Variants in GBE1 observed in about 807,000 individuals in gnomAD.
GBE1 encodes the protein 1,4-alpha-glucan-branching enzyme.
GBE1 carries 70 observed loss-of-function variants against 88.8 expected under a neutral mutation model. The ratio of observed to expected loss-of-function variants is 0.79; its 90% CI spans 0.65 to 0.96. GBE1 has a LOEUF of 0.96. Among genes scored for constraint, GBE1 ranks in the 40% least tolerant of loss-of-function variants. The pLI is 0.00. For missense variants in GBE1, 872 were observed against 871.0 expected, an observed-to-expected ratio of 1.00 and a Z score of -0.01; for synonymous variants, 284 against 300.1, an observed-to-expected ratio of 0.95 and a Z score of 0.56.
intron 1 of GBE1, among the ~76,000 whole-genome samples, chr3:81,715,641 T>C (rs3849572): frequency 0.029 from 4,370 of 152,212 alleles, 224 homozygotes; most frequent in African/African-American, 0.096. Flanking sequence ...CAAGAAAGAA[T>C]AGATTCACAA....
At chr3:81,751,933 G>A (rs1338043477) in intron 1 of GBE1, among the ~76,000 whole-genome samples, 3 of 152,070 alleles carry the variant, frequency 2.0e-5, no homozygotes, top group South Asian at 2.1e-4. Context: ...TGATATCACC[G>A]GTAAAACAAA....
At chr3:81,544,867 T>G (rs975094341) in intron 12 of GBE1, among the ~76,000 whole-genome samples, 14 of 152,330 alleles carry the variant, frequency 9.2e-5, no homozygotes, top group African/African-American at 3.1e-4. Flanking sequence ...CCCAGCTCTG[T>G]TGGCTGAACA....
intron 2 of GBE1, among the ~76,000 whole-genome samples, chr3:81,694,262 G>C (rs998930761): frequency 6.6e-6 from 1 of 152,114 alleles, no homozygotes. Flanking sequence ...GGGAAAAAGG[G>C]AGGAGAGAAG....
chr3:81,696,874 A>G (rs573142287), intron 2 of GBE1, among the ~76,000 whole-genome samples: 2 of 152,324 alleles, frequency 1.3e-5, no homozygotes, highest in South Asian at 2.1e-4. Flanking sequence ...CCATACCAGG[A>G]AAAACTCTCT....
At chr3:81,528,517 A>G (rs891834212) in intron 14 of GBE1, among the ~76,000 whole-genome samples, 1 of 152,088 alleles carries the variant, frequency 6.6e-6, no homozygotes, top group Non-Finnish European at 1.5e-5. Flanking sequence ...CACAGATTAC[A>G]TCTCAGGTTT....
intron 15 of GBE1, among the ~76,000 whole-genome samples, chr3:81,493,697 T>G (rs1470532159): frequency 6.6e-6 from 1 of 151,862 alleles, no homozygotes; most frequent in African/African-American, 2.4e-5. Context: ...CACACCCGGC[T>G]AATTTTTTGT....
chr3:81,576,856 C>T (rs185409248), intron 12 of GBE1, among the ~76,000 whole-genome samples: 1 of 152,050 alleles, frequency 6.6e-6, no homozygotes, highest in Non-Finnish European at 1.5e-5. Context: ...GCTTCCTAAC[C>T]TCCAGTTAGT....
At chr3:81,662,903 C>T (rs561184562) in intron 3 of GBE1, among the ~76,000 whole-genome samples, 1 of 152,096 alleles carries the variant, frequency 6.6e-6, no homozygotes, top group African/African-American at 2.4e-5. Flanking sequence ...GGTTAATGAA[C>T]TCATATAAGA....
chr3:81,592,281 A>G (rs1000886805), intron 8 of GBE1, among the ~76,000 whole-genome samples: 5 of 152,132 alleles, frequency 3.3e-5, no homozygotes, highest in Admixed American at 6.6e-5. Flanking sequence ...TTTGACCAAC[A>G]TCTCTCCATT....
At position 81,748,154 on chromosome 3, in the gene GBE1, C is replaced by T. The variant is rs538598135; in HGVS notation, c.143+13221G>A. Among the ~76,000 whole-genome samples the T allele has an allele frequency of 1.9e-3, 283 of 152,134 alleles. 2 individuals are homozygous for T. Among genetic ancestry groups the T allele is most frequent in the Middle Eastern group, 3.4e-3 (1 of 294 alleles). Reference sequence around the variant, plus strand: ...AACCGGCAAGTGAAAAAAGAAAAATCAATCCAGTTAGAAAATGGGCAAAAG... The same window carrying T: ...AACCGGCAAGTGAAAAAAGAAAAATTAATCCAGTTAGAAAATGGGCAAAAG... On this transcript the variant is annotated intron_variant, in intron 1 of 15. Coordinates refer to ENST00000429644, the MANE Select transcript of GBE1 (RefSeq NM_000158.4).
intron 2 of GBE1, among the ~76,000 whole-genome samples, chr3:81,675,275 G>A (rs1375785583): frequency 6.6e-6 from 1 of 151,980 alleles, no homozygotes; most frequent in Non-Finnish European, 1.5e-5. Context: ...AGGGACTTCT[G>A]AAATCAAAAA....
At chr3:81,730,897 TG>T (rs1383037125) in intron 1 of GBE1, among the ~76,000 whole-genome samples, 2 of 152,176 alleles carry the variant, frequency 1.3e-5, no homozygotes, top group African/African-American at 4.8e-5. Context: ...TGTTTTGCTG[TG>T]CTACCTTATA....
At chr3:81,526,045 G>C (rs1170746737) in intron 14 of GBE1, among the ~76,000 whole-genome samples, 1 of 152,022 alleles carries the variant, frequency 6.6e-6, no homozygotes, top group Non-Finnish European at 1.5e-5. Flanking sequence ...GTTCAGCTCT[G>C]ATCATAGTTA....
intron 7 of GBE1, among the ~76,000 whole-genome samples, chr3:81,620,752 G>A (rs374210085): frequency 3.0e-4 from 46 of 152,184 alleles, no homozygotes; most frequent in African/African-American, 9.4e-4. Flanking sequence ...AAAAAGGAAC[G>A]TCCTGATTGA....
At chr3:81,751,374 A>T (rs554656786) in intron 1 of GBE1, among the ~76,000 whole-genome samples, 1 of 152,338 alleles carries the variant, frequency 6.6e-6, no homozygotes, top group African/African-American at 2.4e-5. Context: ...GATGAGACAA[A>T]AGGATACATT....
intron 12 of GBE1, among the ~76,000 whole-genome samples, chr3:81,572,420 T>C (rs1446818483): frequency 6.6e-6 from 1 of 152,186 alleles, no homozygotes; most frequent in African/African-American, 2.4e-5. Flanking sequence ...AGCCAGAAAA[T>C]GTTTCACAAA....
chr3:81,496,072 T>C (rs990801448), intron 15 of GBE1, among the ~76,000 whole-genome samples: 4 of 152,210 alleles, frequency 2.6e-5, no homozygotes, highest in African/African-American at 4.8e-5. Context: ...GGAAGTCCCC[T>C]GCCTCCAGTG....
chr3:81,646,729 T>C (rs537903412), intron 5 of GBE1, among the ~76,000 whole-genome samples: 7 of 152,300 alleles, frequency 4.6e-5, no homozygotes, highest in South Asian at 2.1e-4. Context: ...ATAAATAATA[T>C]GCAAATTTAC....
At chr3:81,630,084 T>C (rs546106295) in intron 7 of GBE1, among the ~76,000 whole-genome samples, 152 of 152,286 alleles carry the variant, frequency 1.0e-3, no homozygotes, top group South Asian at 2.5e-3. Flanking sequence ...CCATGATGTA[T>C]ATGTGCCACA....
Sources: gnomAD v4.1 joint callset for allele counts (sites outside exome capture counted in the v4.1 genomes callset) on GRCh38, gnomAD v4.1.1 for gene constraint, MANE v1.5 for transcripts, NCBI Gene and HGNC (gene_info 2026-07-23, HGNC 2026-07-21) for gene names.